ZFP30: variants seen among roughly 807,000 people sequenced by gnomAD.
The protein encoded by ZFP30 is zinc finger protein 30 homolog.
Under a neutral mutation model 12.3 loss-of-function variants are expected in ZFP30, and 16 were observed. The ratio of observed to expected loss-of-function variants is 1.30; its 90% CI spans 0.88 to 1.98. ZFP30 has a LOEUF of 1.98. Among genes scored for constraint, ZFP30 ranks in the 30% most tolerant of loss-of-function variants. The pLI, the probability that ZFP30 is intolerant of heterozygous loss-of-function variation, is 0.00. For missense variants in ZFP30, 560 were observed against 611.2 expected (o/e 0.92, Z 0.88); for synonymous variants, 172 against 201.0 (o/e 0.86, Z 1.22).
In ZFP30 at chr19:37,642,859, T is replaced by C. The variant is rs547164528; in HGVS notation, c.235+406A>G. On this transcript the variant is annotated intron_variant, in intron 5 of 5. Coordinates refer to ENST00000684514, the MANE Select transcript of ZFP30 (RefSeq NM_001320669.3). ...TCACGAGGTCAGATCAAGACCATCC[T>C]GGCTAACATGGTGAAACCCCGTCTC... is the stretch of plus-strand genomic sequence containing the variant. Among the ~76,000 whole-genome samples, 319 of 152,088 alleles carry C rather than the reference T, an allele frequency of 2.1e-3. 1 individual carries two copies. The highest frequency in any genetic ancestry group is 7.3e-3 in the African/African-American group (304 of 41,532).
intron 3 of ZFP30, 152 bp downstream of exon 3, chr19:37,647,662 C>T: frequency 1.2e-6 from 1 of 857,750 alleles, no homozygotes; most frequent in Non-Finnish European, 1.9e-6. Flanking sequence ...ACTTAGGAAT[C>T]TGGCTGGCTC....
Position 37,632,250 on chromosome 19 carries a change from A to AAG in ZFP30, c.*2730_*2731insCT, listed in dbSNP as rs2044245166. 6.6e-6 allele frequency: 1 copy of AAG among 151,998 alleles called. No individual in the cohort carries two copies. The highest frequency in any genetic ancestry group is 6.6e-5 in the Admixed American group (1 of 15,256). 9.4% of individuals were successfully genotyped at this position (151,998 alleles called of 1,614,324 possible). On this transcript the variant is annotated 3_prime_UTR_variant, in exon 6 of 6. Transcript: ENST00000684514. ...AATTTTTACCATAAAATAATTCTGGATTTTCAATATTTTAAAATACATGTA... is the reference window on the plus strand; with the variant it reads ...AATTTTTACCATAAAATAATTCTGGAAGTTTTCAATATTTTAAAATACATGTA...
At chr19:37,649,057 G>A (rs529776175) in intron 2 of ZFP30, among the ~76,000 whole-genome samples, 81 of 152,022 alleles carry the variant, frequency 5.3e-4, no homozygotes, top group African/African-American at 1.8e-3. Flanking sequence ...CAACAACATA[G>A]TAAGATACTG....
chr19:37,635,516 G>GT lies in ZFP30; in HGVS notation c.1024dup (p.Thr342AsnfsTer10), dbSNP rs766420764. 4 of 1,613,734 alleles carry GT rather than the reference G, an allele frequency of 2.5e-6. No individual in the cohort carries two copies. The highest frequency in any genetic ancestry group is 3.4e-6 in the Non-Finnish European group (4 of 1,179,976). The stretch of plus-strand genomic sequence containing the variant: ...ACCAGTGTGAATTCTCTGATGGAGA[G>GT]TAAGTTGCTGCCGCACTCTAAAGGC... On this transcript the variant is annotated frameshift_variant, in exon 6 of 6. Transcript: ENST00000684514. LOFTEE classifies it low-confidence loss of function (END_TRUNC).
At chr19:37,643,505 GTTTTA>G (rs1453674828) in intron 4 of ZFP30, 142 bp from the exon 5 acceptor site, 37 of 472,924 alleles carry the variant, frequency 7.8e-5, no homozygotes, top group South Asian at 2.7e-4. Flanking sequence ...TAGGGACCTG[GTTTTA>G]TTTTAATTTA....
rs200599807 is a variant in ZFP30, at chr19:37,635,606, C to T, written c.935G>A (p.Gly312Asp). 149 of 1,613,874 alleles carry T rather than the reference C, an allele frequency of 9.2e-5. No individual in the cohort carries two copies. Among genetic ancestry groups the T allele is most frequent in the Non-Finnish European group, 1.2e-4 (144 of 1,180,026 alleles). ...ECGQAFLCST[G>D]LRLHHKLHTG... ...ATGAAGTTTGTGATGTAGTCGAAGG[C>T]CTGTACTACACAGAAAGGCCTGACC... is the stretch of plus-strand genomic sequence containing the variant. The change falls in exon 6 of 6, where the codon GGC (glycine) becomes GAC (aspartate). Residue 312 changes from glycine (G) to aspartate (D), a missense_variant. Coordinates refer to ENST00000684514, the MANE Select transcript of ZFP30 (RefSeq NM_001320669.3).
chr19:37,637,203 C>CT (rs1002235029), intron 5 of ZFP30, among the ~76,000 whole-genome samples: 2,076 of 131,816 alleles, frequency 0.016, 46 homozygotes, highest in African/African-American at 0.052. Flanking sequence ...TTCTTTTTTT[C>CT]TTTTTTTTTT....
At chr19:37,655,256 G>A (rs549849221) in intron 1 of ZFP30, 164 bp downstream of exon 1, 53 of 152,456 alleles carry the variant, frequency 3.5e-4, no homozygotes, top group African/African-American at 1.2e-3. Flanking sequence ...CAGGCCTCAG[G>A]GCTGCAGAAG....
Position 37,644,692 on chromosome 19 carries a change from T to C in ZFP30, c.54A>G (p.Glu18=). 6.2e-7 allele frequency: 1 copy of C among 1,613,804 alleles called. No homozygotes were observed. Among genetic ancestry groups the C allele is most frequent in the Admixed American group, 1.7e-5 (1 of 59,950 alleles). Reference sequence around the variant, plus strand: ...GATATGAGTTCAGGCATTCCCATTCTTCCTGAGAAAAGTCTACAGCCACAT... The same window carrying C: ...GATATGAGTTCAGGCATTCCCATTCCTCCTGAGAAAAGTCTACAGCCACAT... ...FRDVAVDFSQ[E]EWECLNSYQR... The change falls in exon 4 of 6, where the codon GAA becomes GAG. Residue 18 remains glutamate (E), a synonymous_variant. Coordinates refer to ENST00000684514, the MANE Select transcript of ZFP30 (RefSeq NM_001320669.3).
intron 2 of ZFP30, among the ~76,000 whole-genome samples, chr19:37,648,957 G>C (rs2044595290): frequency 6.6e-6 from 1 of 152,116 alleles, no homozygotes; most frequent in Non-Finnish European, 1.5e-5. Context: ...CTAGAAATAG[G>C]CTGGGTGCAG....
At chr19:37,649,397 G>C (rs1011458092) in intron 2 of ZFP30, among the ~76,000 whole-genome samples, 1 of 152,072 alleles carries the variant, frequency 6.6e-6, no homozygotes, top group African/African-American at 2.4e-5. Context: ...AAGCTGTTGG[G>C]GAAATGGATA....
chr19:37,635,827 A>G lies in ZFP30; in HGVS notation c.714T>C (p.Gly238=). 6.2e-7 allele frequency: 1 copy of G among 1,614,048 alleles called. No homozygotes were observed. ...DLRVHQRIHI[G]EKPYECKECG... ...ATTCTTTACATTCATACGGCTTCTC[A>G]CCAATATGAATTCTCTGATGTACTC... Residue 238 remains glycine, a synonymous_variant, in exon 6 of 6, where the codon GGT becomes GGC. Coordinates refer to ENST00000684514, the MANE Select transcript of ZFP30 (RefSeq NM_001320669.3).
At position 37,633,897 on chromosome 19, in the gene ZFP30, A is replaced by G. The variant is rs1284107104; in HGVS notation, c.*1084T>C. ...TCATCTCCTGTGTATAGACTTCAGAAATTATCTCTAACAAATACACTTTTA... is the reference window on the plus strand; with the variant it reads ...TCATCTCCTGTGTATAGACTTCAGAGATTATCTCTAACAAATACACTTTTA... On this transcript the variant is annotated 3_prime_UTR_variant, in exon 6 of 6. Coordinates refer to ENST00000684514, the MANE Select transcript of ZFP30 (RefSeq NM_001320669.3). 9.2e-5 allele frequency: 14 copies of G among 152,178 alleles called. No individual in the cohort carries two copies. Among genetic ancestry groups the G allele is most frequent in the Admixed American group, 9.2e-4 (14 of 15,276 alleles). The allele number at this position is 152,178 out of a possible 1,614,324, so 9.4% of individuals were successfully genotyped here.
Position 37,634,305 on chromosome 19 carries a change from A to T in ZFP30, c.*676T>A, listed in dbSNP as rs898918100. ...GTTCAATATTTTTGGCAAGATGTGT[A>T]TATCTTACTGTAGCACATTAGGAGG... On this transcript the variant is annotated 3_prime_UTR_variant, in exon 6 of 6. Coordinates refer to ENST00000684514, the MANE Select transcript of ZFP30 (RefSeq NM_001320669.3). 1 of 152,156 alleles carries T rather than the reference A, an allele frequency of 6.6e-6. No homozygotes were observed. Among genetic ancestry groups the T allele is most frequent in the Non-Finnish European group, 1.5e-5 (1 of 68,042 alleles). The allele number at this position is 152,156 out of a possible 1,614,324, so 9.4% of individuals were successfully genotyped here.
At position 37,631,072 on chromosome 19, in the gene ZFP30, A is replaced by T. The variant is rs968084695; in HGVS notation, c.*3909T>A. 1 of 152,202 alleles carries T rather than the reference A, an allele frequency of 6.6e-6. No homozygotes were observed. Among genetic ancestry groups the T allele is most frequent in the African/African-American group, 2.4e-5 (1 of 41,440 alleles). 9.4% of individuals were successfully genotyped at this position (152,202 alleles called of 1,614,324 possible). ...GTTCAATATTCAGAAAGAACAGGTG[A>T]CTTTAGAACATGATGCCACATCCAG... On this transcript the variant is annotated 3_prime_UTR_variant, in exon 6 of 6. Transcript: ENST00000684514.
At chr19:37,636,330 T>A in intron 5 of ZFP30, 25 bp from the exon 6 acceptor site, 1 of 1,537,798 alleles carries the variant, frequency 6.5e-7, no homozygotes. Flanking sequence ...GACCAAAACA[T>A]ATTTTCCTGT....
chr19:37,647,955 T>G, intron 2 of ZFP30, 56 bp from the exon 3 acceptor site: 3 of 1,004,044 alleles, frequency 3.0e-6, no homozygotes, highest in South Asian at 3.0e-5. Flanking sequence ...GTTTCCAAAT[T>G]TTAAAAACTG....
At chr19:37,644,535 G>A (rs2044500927) in intron 4 of ZFP30, 75 bp downstream of exon 4, 2 of 1,359,320 alleles carry the variant, frequency 1.5e-6, no homozygotes, top group African/African-American at 2.1e-5. Context: ...TTCGTCTTTG[G>A]AAAAAAACAA....
intron 4 of ZFP30, 63 bp downstream of exon 4, chr19:37,644,547 G>GAAAA: frequency 2.2e-5 from 15 of 667,204 alleles, no homozygotes; most frequent in Non-Finnish European, 3.3e-5. Context: ...AAAAAACAAA[G>GAAAA]ACAGCCCAGA....
Sources: gnomAD v4.1 joint callset for allele counts (sites outside exome capture counted in the v4.1 genomes callset) on GRCh38, gnomAD v4.1.1 for gene constraint, MANE v1.5 for transcripts, NCBI Gene and HGNC (gene_info 2026-07-23, HGNC 2026-07-21) for gene names.